BLK: variants seen among roughly 807,000 people sequenced by gnomAD.
BLK encodes the protein tyrosine-protein kinase Blk.
A neutral mutation model predicts 61.8 loss-of-function variants in BLK; 64 were observed. The observed-to-expected ratio is 1.03, with a 90% confidence interval of 0.85 to 1.27. The LOEUF (loss-of-function observed/expected upper bound fraction) is 1.27, where lower values mean the gene tolerates loss of function less well. Ranked by LOEUF, BLK falls within the 50% of genes most tolerant of loss-of-function variation. The probability of loss-of-function intolerance (pLI) is 0.00; values close to 1 mark genes in which losing one functional copy is unlikely to be tolerated. For synonymous variants in BLK, 351 were observed against 272.0 expected, an observed-to-expected ratio of 1.29 and a Z score of -2.86; for missense variants, 853 against 660.5, an observed-to-expected ratio of 1.29 and a Z score of -3.19.
rs181526921 is a variant in BLK at position 11,554,825 on chromosome 8, G to A, written c.555G>A (p.Gly185=). 6.2e-7 allele frequency: 1 copy of A among 1,614,024 alleles called. No individual in the cohort carries two copies. Among genetic ancestry groups the A allele is most frequent in the Non-Finnish European group, 8.5e-7 (1 of 1,179,982 alleles). Residue 185 remains glycine, a synonymous_variant, in exon 7 of 13, where the codon GGG becomes GGA. Coordinates refer to ENST00000259089, the MANE Select transcript of BLK (RefSeq NM_001715.3). ...ATAAGATCCGCTGCCTGGATGAAGGGGGCTACTACATCTCCCCCCGGATCA... is the reference window on the plus strand; with the variant it reads ...ATAAGATCCGCTGCCTGGATGAAGGAGGCTACTACATCTCCCCCCGGATCA... ...KHYKIRCLDE[G]GYYISPRITF...
intron 9 of BLK, 125 bp downstream of exon 9, chr8:11,556,962 G>A (rs887542518): frequency 5.7e-5 from 56 of 978,032 alleles, no homozygotes; most frequent in Non-Finnish European, 7.2e-5. Flanking sequence ...GGCATGGCAC[G>A]GTGTGGGGAC....
chr8:11,512,582 CTACTT>C (rs951437762), intron 1 of BLK, among the ~76,000 whole-genome samples: 1 of 152,220 alleles, frequency 6.6e-6, no homozygotes, highest in African/African-American at 2.4e-5. Context: ...TTTCCACCCT[CTACTT>C]TATAGATAAA....
intron 4 of BLK, 56 bp from the exon 5 acceptor site, chr8:11,548,968 C>G (rs1460133379): frequency 6.8e-7 from 1 of 1,476,230 alleles, no homozygotes; most frequent in Admixed American, 1.9e-5. Flanking sequence ...GAGAGCTGCC[C>G]AGTGACGGGC....
chr8:11,524,901 C>A (rs1487064410), intron 1 of BLK, among the ~76,000 whole-genome samples: 1 of 143,446 alleles, frequency 7.0e-6, no homozygotes, highest in Admixed American at 7.5e-5. Context: ...AGATAATGAT[C>A]CCATTTTGCT....
chr8:11,505,395 C>G (rs149028621), intron 1 of BLK, among the ~76,000 whole-genome samples: 20 of 152,290 alleles, frequency 1.3e-4, no homozygotes, highest in African/African-American at 3.1e-4. Flanking sequence ...ACCCCTTGTC[C>G]CTGAGCACAG....
At chr8:11,498,304 T>C (rs1798430041) in intron 1 of BLK, among the ~76,000 whole-genome samples, 1 of 152,184 alleles carries the variant, frequency 6.6e-6, no homozygotes. Flanking sequence ...TGAGGTTCTG[T>C]GCTTAATAGA....
chr8:11,502,099 T>A (rs1306937047), intron 1 of BLK, among the ~76,000 whole-genome samples: 1 of 152,184 alleles, frequency 6.6e-6, no homozygotes, highest in Non-Finnish European at 1.5e-5. Flanking sequence ...CACAGCACGA[T>A]AGAGTACTTC....
At chr8:11,533,605 A>AGG (rs1563100814) in intron 1 of BLK, among the ~76,000 whole-genome samples, 19,068 of 112,986 alleles carry the variant, frequency 0.17, 1,866 homozygotes, top group South Asian at 0.2. Flanking sequence ...GGAGGAGGAG[A>AGG]AGGAGGAGGA....
At chr8:11,500,440 C>T (rs1279003446) in intron 1 of BLK, among the ~76,000 whole-genome samples, 1 of 152,114 alleles carries the variant, frequency 6.6e-6, no homozygotes, top group Admixed American at 6.6e-5. Flanking sequence ...AAGTGATCTG[C>T]CTGCCTTGGC....
At chr8:11,523,786 G>A (rs1284505932) in intron 1 of BLK, among the ~76,000 whole-genome samples, 1 of 150,930 alleles carries the variant, frequency 6.6e-6, no homozygotes, top group Non-Finnish European at 1.5e-5. Context: ...CAATAGAAAA[G>A]TAAATTAATA....
At position 11,555,787 on chromosome 8, in the gene BLK, C is replaced by T. The variant is rs745742747; in HGVS notation, c.772+303C>T. On this transcript the variant is annotated intron_variant, in intron 8 of 12. Coordinates refer to ENST00000259089, the MANE Select transcript of BLK (RefSeq NM_001715.3). ...GCTTTGACAATGAGCTGCAGCGGCG[C>T]GTTAACTCCCCTTAGCTTTTCATCA... 67 of 455,622 alleles carry T rather than the reference C, an allele frequency of 1.5e-4. No homozygotes were observed. The Admixed American group carries it at 1.5e-3, about 10-fold the overall frequency. The allele number at this position is 455,622 out of a possible 1,614,324, so 28.2% of individuals were successfully genotyped here. A position where few individuals can be genotyped will look rare whatever the true frequency, so the allele number is the denominator to read the frequency against.
intron 1 of BLK, among the ~76,000 whole-genome samples, chr8:11,515,180 C>A (rs1220014923): frequency 6.6e-6 from 1 of 152,146 alleles, no homozygotes; most frequent in East Asian, 1.9e-4. Flanking sequence ...GGTGTGCTGT[C>A]CCCTGGGCTG....
chr8:11,549,946 A>T, intron 5 of BLK: 1 of 597,140 alleles, frequency 1.7e-6, no homozygotes, highest in Non-Finnish European at 3.0e-6. Flanking sequence ...GAAAACAGTG[A>T]GTCCAGGGCT....
intron 6 of BLK, 81 bp from the exon 7 acceptor site, chr8:11,554,662 C>G: frequency 5.1e-6 from 8 of 1,559,308 alleles, no homozygotes; most frequent in Non-Finnish European, 8.8e-7. Flanking sequence ...TTTTTCAAAG[C>G]TTTAAAATGA....
Position 11,554,888 on chromosome 8 carries a change from T to C in BLK, c.618T>C (p.Ser206=), listed in dbSNP as rs1440557022. 2 of 1,612,736 alleles carry C rather than the reference T, an allele frequency of 1.2e-6. No individual in the cohort carries two copies. The highest frequency in any genetic ancestry group is 1.3e-5 in the African/African-American group (1 of 74,850). Residue 206 remains serine (S), a splice_region_variant and synonymous_variant, in exon 7 of 13, where the codon TCT becomes TCC. Transcript: ENST00000259089. ...PSLQALVQHY[S]KKGDGLCQRL... is the part of the protein sequence containing the mutation. ...TCCAGGCCCTGGTGCAGCACTATTC[T>C]AGTAAGAGGGGGCGTGCAATGGGGG... is the stretch of plus-strand genomic sequence containing the variant.
At chr8:11,556,305 G>C in intron 8 of BLK, 1 of 364,398 alleles carries the variant, frequency 2.7e-6, no homozygotes, top group Non-Finnish European at 5.3e-6. Context: ...CAGGCTGTGT[G>C]CTTATTTCCA....
rs143465570 is a variant in BLK, at chr8:11,561,999, A to G, written c.1180+547A>G. Among the ~76,000 whole-genome samples, 1,450 of 152,194 alleles carry G rather than the reference A, an allele frequency of 9.5e-3. 34 individuals carry two copies. In the East Asian group the frequency reaches 0.11, roughly 11 times the overall value. On this transcript the variant is annotated intron_variant, in intron 11 of 12. Transcript: ENST00000259089. ...ACACCTGGCTAATTTTTGTATGTTT[A>G]GTAGAGATGGGGTTTCACCATGTTG...
At chr8:11,563,244 C>T in intron 12 of BLK, 134 bp downstream of exon 12, 2 of 1,326,626 alleles carry the variant, frequency 1.5e-6, no homozygotes, top group Non-Finnish European at 1.0e-6. Context: ...GAGACCCAGG[C>T]ATGGCATCTG....
At chr8:11,520,476 C>CAAAAAAAAAAAAAA (rs71203393) in intron 1 of BLK, among the ~76,000 whole-genome samples, 7 of 69,678 alleles carry the variant, frequency 1.0e-4, no homozygotes, top group African/African-American at 3.0e-4. Flanking sequence ...GACCTTGTCT[C>CAAAAAAAAAAAAAA]AAAAAAAAAA....
Sources: gnomAD v4.1 joint callset for allele counts (sites outside exome capture counted in the v4.1 genomes callset) on GRCh38, gnomAD v4.1.1 for gene constraint, MANE v1.5 for transcripts, NCBI Gene and HGNC (gene_info 2026-07-23, HGNC 2026-07-21) for gene names.